Variants in BAZ2B observed in about 807,000 individuals in gnomAD.
BAZ2B encodes the protein bromodomain adjacent to zinc finger domain 2B, also known as bromodomain adjacent to zinc finger domain protein 2B.
In BAZ2B, 91 loss-of-function variants were observed where a neutral mutation model predicts 246.0. That is an observed-to-expected ratio of 0.37 (90% confidence interval 0.31 to 0.44). The LOEUF is 0.44. Ranked by LOEUF, BAZ2B falls within the 20% of genes least tolerant of loss-of-function variation. The pLI, the probability that BAZ2B is intolerant of heterozygous loss-of-function variation, is 1.00. For missense variants in BAZ2B, 2,332 were observed against 2,533.7 expected (o/e 0.92, Z 1.71); for synonymous variants, 855 against 860.0 (o/e 0.99, Z 0.10).
At chr2:159,521,712 AT>A (rs2084156042) in intron 2 of BAZ2B, among the ~76,000 whole-genome samples, 1 of 152,072 alleles carries the variant, frequency 6.6e-6, no homozygotes, top group South Asian at 2.1e-4. Flanking sequence ...TTTATTTTCA[AT>A]GTAAATTCCA....
At chr2:159,676,986 ATATATAT>A in the BAZ2B span, among the ~76,000 whole-genome samples, 2 of 122,256 alleles carry the variant, frequency 1.6e-5, no homozygotes, top group East Asian at 4.5e-4. Flanking sequence ...ATATATATAT[ATATATAT>A]ATTACAATTT....
intron 1 of BAZ2B, among the ~76,000 whole-genome samples, chr2:159,579,576 T>C (rs987225063): frequency 4.6e-5 from 7 of 152,008 alleles, no homozygotes; most frequent in Non-Finnish European, 8.8e-5. Context: ...CTCATTTTAA[T>C]GCCAACATCA....
At chr2:159,400,001 C>G (rs2064723752) in intron 17 of BAZ2B, among the ~76,000 whole-genome samples, 1 of 152,128 alleles carries the variant, frequency 6.6e-6, no homozygotes, top group South Asian at 2.1e-4. Flanking sequence ...AAATTGCTTG[C>G]TATTCAAATA....
At chr2:159,397,458 G>T (rs1442973250) in intron 18 of BAZ2B, 69 bp from the exon 19 acceptor site, 2 of 1,062,124 alleles carry the variant, frequency 1.9e-6, no homozygotes, top group Non-Finnish European at 2.7e-6. Context: ...AGTATTAAAA[G>T]TTCCTTTTCT....
intron 34 of BAZ2B, among the ~76,000 whole-genome samples, chr2:159,327,886 G>A (rs1322755394): frequency 6.6e-6 from 1 of 152,022 alleles, no homozygotes; most frequent in African/African-American, 2.4e-5. Context: ...CCAACATGGT[G>A]AAACCCCGTC....
At chr2:159,557,067 A>T (rs2089233519) in intron 1 of BAZ2B, among the ~76,000 whole-genome samples, 1 of 150,744 alleles carries the variant, frequency 6.6e-6, no homozygotes, top group Non-Finnish European at 1.5e-5. Context: ...TCGTCACTCT[A>T]TCCTTAATTT....
At chr2:159,353,661 G>A (rs1358251864) in intron 27 of BAZ2B, among the ~76,000 whole-genome samples, 1 of 152,158 alleles carries the variant, frequency 6.6e-6, no homozygotes, top group Non-Finnish European at 1.5e-5. Context: ...GTACCTTAAA[G>A]GATTAGAGGG....
At chr2:159,630,427 C>A in the BAZ2B span, among the ~76,000 whole-genome samples, 13 of 152,196 alleles carry the variant, frequency 8.5e-5, no homozygotes, top group Non-Finnish European at 1.5e-4. Flanking sequence ...GAGAATTATT[C>A]CAAGTGACTT....
At chr2:159,458,694 T>C (rs2076079141) in intron 3 of BAZ2B, 2 of 152,350 alleles carry the variant, frequency 1.3e-5, no homozygotes, top group East Asian at 3.9e-4. Context: ...GATCCTCTTC[T>C]TAACTATACA....
intron 1 of BAZ2B, among the ~76,000 whole-genome samples, chr2:159,575,205 C>T (rs1259560409): frequency 6.6e-6 from 1 of 152,058 alleles, no homozygotes; most frequent in Non-Finnish European, 1.5e-5. Context: ...AATGACTCCA[C>T]AGGGAGTCCT....
At chr2:159,535,712 A>G (rs959206741) in intron 2 of BAZ2B, among the ~76,000 whole-genome samples, 2 of 152,248 alleles carry the variant, frequency 1.3e-5, no homozygotes, top group African/African-American at 4.8e-5. Flanking sequence ...ACTTCAGATA[A>G]TAATGAACCC....
At chr2:159,508,572 T>C (rs954075294) in intron 2 of BAZ2B, among the ~76,000 whole-genome samples, 8 of 151,512 alleles carry the variant, frequency 5.3e-5, no homozygotes, top group Non-Finnish European at 4.4e-5. Flanking sequence ...AAGATTCAAA[T>C]TCATATTAAG....
At position 159,398,851 on chromosome 2, in the gene BAZ2B, A is replaced by G; in HGVS notation, c.2942T>C (p.Leu981Ser). The G allele has an allele frequency of 6.2e-7, 1 of 1,611,124 alleles. No homozygotes were observed. The highest frequency in any genetic ancestry group is 8.5e-7 in the Non-Finnish European group (1 of 1,179,536). ...AACCTTTATTCGTTTCTCGGCCTCCAATAATTTGGCATTTGCCGCTTCTTC... is the reference window on the plus strand; with the variant it reads ...AACCTTTATTCGTTTCTCGGCCTCCGATAATTTGGCATTTGCCGCTTCTTC... ...KKEEAANAKL[L>S]EAEKRIKEKE... Residue 981 changes from leucine (L) to serine (S), a missense_variant, in exon 18 of 37, where the codon TTG (leucine) becomes TCG (serine). This residue lies in a region of BAZ2B where 328 missense variants were observed against 410.4 expected (regional missense o/e 0.80). Transcript: ENST00000392783.
intron 16 of BAZ2B, among the ~76,000 whole-genome samples, chr2:159,402,762 T>A (rs1401319460): frequency 1.3e-5 from 2 of 152,172 alleles, no homozygotes; most frequent in East Asian, 3.8e-4. Flanking sequence ...CAAGTGACTT[T>A]TATATATATC....
intron 1 of BAZ2B, among the ~76,000 whole-genome samples, chr2:159,602,880 T>A (rs956102049): frequency 1.3e-5 from 2 of 152,210 alleles, no homozygotes; most frequent in African/African-American, 4.8e-5. Context: ...CTCACACCTA[T>A]AATCCCAACA....
At chr2:159,693,849 T>A in the BAZ2B span, 3 of 152,182 alleles carry the variant, frequency 2.0e-5, no homozygotes, top group East Asian at 5.8e-4. Context: ...GACTGACAGG[T>A]GTGTACTACT....
chr2:159,316,933 G>A (rs1427280074), downstream of BAZ2B, among the ~76,000 whole-genome samples: 1 of 151,834 alleles, frequency 6.6e-6, no homozygotes, highest in Non-Finnish European at 1.5e-5. Context: ...CCCGTGAGGC[G>A]GAGGTTGCAG....
chr2:159,497,871 T>C (rs1365520295), intron 2 of BAZ2B, among the ~76,000 whole-genome samples: 1 of 152,206 alleles, frequency 6.6e-6, no homozygotes, highest in Admixed American at 6.5e-5. Context: ...CACTGAGACA[T>C]ATTCTGGTTT....
intron 1 of BAZ2B, among the ~76,000 whole-genome samples, chr2:159,561,838 T>C (rs772894900): frequency 2.0e-5 from 3 of 152,218 alleles, no homozygotes; most frequent in African/African-American, 4.8e-5. Context: ...AATTCTTATA[T>C]CTTCAAATGT....
Sources: gnomAD v4.1 joint callset for allele counts (sites outside exome capture counted in the v4.1 genomes callset) on GRCh38, gnomAD v4.1.1 for gene constraint, gnomAD v4.1.1 regional missense constraint, MANE v1.5 for transcripts, NCBI Gene and HGNC (gene_info 2026-07-23, HGNC 2026-07-21) for gene names.